Variants in PTPN9 observed in about 807,000 individuals in gnomAD.
The protein encoded by PTPN9 is tyrosine-protein phosphatase non-receptor type 9.
PTPN9 carries 26 observed loss-of-function variants against 69.8 expected under a neutral mutation model. That is an observed-to-expected ratio of 0.37 (90% CI 0.27 to 0.52). The LOEUF is 0.52. PTPN9 is among the 20% of genes least tolerant of loss of function. The pLI, the probability that PTPN9 is intolerant of heterozygous loss-of-function variation, is 0.91. For missense variants in PTPN9, 549 were observed against 740.3 expected, an observed-to-expected ratio of 0.74 and a Z score of 3.00; for synonymous variants, 274 against 272.5, an observed-to-expected ratio of 1.01 and a Z score of -0.05.
chr15:75,546,642 C>CA lies in PTPN9; in HGVS notation c.64-19382dup, dbSNP rs879283506. On this transcript the variant is annotated intron_variant, in intron 1 of 12. Transcript: ENST00000618819. ...TGGGCGACAGAGCAAGACTCTGTCT[C>CA]AAAAAAAAAAAAGAAATAGAGAACT... Among the ~76,000 whole-genome samples the CA allele has an allele frequency of 6.1e-3, 774 of 126,500 alleles. 2 individuals carry two copies. The highest frequency in any genetic ancestry group is 0.013 in the African/African-American group (452 of 34,314). 83.0% of individuals were successfully genotyped at this position (126,500 alleles called of 152,430 possible). A position where few individuals can be genotyped will look rare whatever the true frequency, so the allele number is the denominator to read the frequency against.
rs1475890453 is a variant in PTPN9 at position 75,530,683 on chromosome 15, T to A, written c.64-3422A>T. Among the ~76,000 whole-genome samples the A allele has an allele frequency of 3.2e-5, 2 of 61,606 alleles. 1 individual carries two copies. Among genetic ancestry groups the A allele is most frequent in the Non-Finnish European group, 5.2e-5 (2 of 38,174 alleles). The allele number at this position is 61,606 out of a possible 152,430, so 40.4% of individuals were successfully genotyped here. A position where few individuals can be genotyped will look rare whatever the true frequency, so the allele number is the denominator to read the frequency against. ...TATAATATACTATTATATATATTAT[T>A]ATATTATAATATATATAATATATAT... On this transcript the variant is annotated intron_variant, in intron 1 of 12. Transcript: ENST00000618819.
intron 9 of PTPN9, among the ~76,000 whole-genome samples, chr15:75,474,474 G>A (rs894231074): frequency 2.0e-5 from 3 of 151,278 alleles, no homozygotes; most frequent in African/African-American, 2.4e-5. Flanking sequence ...AGCCAAGAGC[G>A]CACCACTGCA....
At chr15:75,503,438 G>C (rs1191659224) in intron 7 of PTPN9, among the ~76,000 whole-genome samples, 1 of 142,924 alleles carries the variant, frequency 7.0e-6, no homozygotes, top group East Asian at 2.1e-4. Context: ...CCCTCCGCCC[G>C]GCAGCCGCCC....
chr15:75,530,966 GA>G (rs2074961814), intron 1 of PTPN9, among the ~76,000 whole-genome samples: 1 of 128,374 alleles, frequency 7.8e-6, no homozygotes, highest in Non-Finnish European at 1.6e-5. Context: ...ATATATATAA[GA>G]AAAATAAAGA....
Position 75,468,596 on chromosome 15 carries a change from A to C in PTPN9, c.*173T>G. The C allele has an allele frequency of 1.7e-6, 1 of 574,618 alleles. No individual in the cohort carries two copies. The highest frequency in any genetic ancestry group is 2.8e-5 in the East Asian group (1 of 36,138). 35.6% of individuals were successfully genotyped at this position (574,618 alleles called of 1,614,324 possible). ...ACTGGCCCTTTCTAGTGGCAATTTC[A>C]CCACATTTATCTAGCCAAAGGGAAA... On this transcript the variant is annotated 3_prime_UTR_variant, in exon 13 of 13. Coordinates refer to ENST00000618819, the MANE Select transcript of PTPN9 (RefSeq NM_002833.4).
At chr15:75,508,039 CAAAAAAAAAAAAAAAA>C (rs990909256) in intron 6 of PTPN9, among the ~76,000 whole-genome samples, 40 of 37,386 alleles carry the variant, frequency 1.1e-3, no homozygotes, top group African/African-American at 4.3e-3. Context: ...GAGACACTCT[CAAAAAAAAAAAAAAAA>C]AAAAAAAAAG....
In PTPN9 at chr15:75,489,650, T is replaced by C. The variant is rs187839283; in HGVS notation, c.1062+558A>G. 3.5e-4 allele frequency among the ~76,000 whole-genome samples: 54 copies of C among 152,290 alleles called. No homozygotes were observed. In the East Asian group the frequency reaches 8.7e-3, roughly 24 times the overall value. On this transcript the variant is annotated intron_variant, in intron 8 of 12. Transcript: ENST00000618819. ...AAAGTTAAAGGTGTATGTAAAGTGT[T>C]TGAATAAAATGTTCATTAAATATCT... is the stretch of plus-strand genomic sequence containing the variant.
chr15:75,523,382 C>T, intron 3 of PTPN9, 137 bp from the exon 4 acceptor site: 2 of 970,922 alleles, frequency 2.1e-6, no homozygotes, highest in Non-Finnish European at 3.0e-6. Flanking sequence ...TCACCAATTG[C>T]TGTCCAAAGG....
chr15:75,530,313 G>T (rs923829997), intron 1 of PTPN9, among the ~76,000 whole-genome samples: 1 of 139,524 alleles, frequency 7.2e-6, no homozygotes, highest in African/African-American at 2.7e-5. Flanking sequence ...AAGGCAGGAA[G>T]ATCACTTGAG....
intron 1 of PTPN9, among the ~76,000 whole-genome samples, chr15:75,533,000 T>G (rs80007709): frequency 0.01 from 1,576 of 152,268 alleles, 33 homozygotes; most frequent in African/African-American, 0.036. Context: ...ATTCTCAAAA[T>G]TAAAACTCAG....
intron 1 of PTPN9, among the ~76,000 whole-genome samples, chr15:75,559,768 CAAAAA>C (rs5813803): frequency 2.1e-5 from 2 of 95,076 alleles, no homozygotes; most frequent in African/African-American, 3.5e-5. Flanking sequence ...GAATGGTCAA[CAAAAA>C]AAAAAAAAAA....
intron 1 of PTPN9, among the ~76,000 whole-genome samples, chr15:75,565,714 C>T (rs562603903): frequency 3.1e-4 from 47 of 152,094 alleles, no homozygotes; most frequent in African/African-American, 1.0e-3. Context: ...CACTCATTTG[C>T]GAATCATTTT....
At chr15:75,571,784 C>G (rs1242750036) in intron 1 of PTPN9, among the ~76,000 whole-genome samples, 1 of 151,956 alleles carries the variant, frequency 6.6e-6, no homozygotes, top group African/African-American at 2.4e-5. Flanking sequence ...GTCCCAGCTG[C>G]TTGGGAGGCT....
At position 75,468,007 on chromosome 15, in the gene PTPN9, T is replaced by G. The variant is rs1201421246; in HGVS notation, c.*762A>C. 6.6e-6 allele frequency: 1 copy of G among 152,544 alleles called. No homozygotes were observed. Among genetic ancestry groups the G allele is most frequent in the Non-Finnish European group, 1.5e-5 (1 of 68,060 alleles). 9.4% of individuals were successfully genotyped at this position (152,544 alleles called of 1,614,324 possible). On this transcript the variant is annotated 3_prime_UTR_variant, in exon 13 of 13. Transcript: ENST00000618819. ...GTGGCAGGAACATGGAGGAGATGTG[T>G]GTGTGTCCTCTTCCACCACTCTGTA...
Position 75,514,470 on chromosome 15 carries a change from T to G in PTPN9, c.528+2789A>C, listed in dbSNP as rs528319123. On this transcript the variant is annotated intron_variant, in intron 5 of 12. Transcript: ENST00000618819. ...GGCACATGCCTGTAATTCTAGCTAC[T>G]TGGGAGGTTGAGGCATGAGAACTGC... 2.0e-5 allele frequency among the ~76,000 whole-genome samples: 3 copies of G among 152,226 alleles called. No homozygotes were observed. The East Asian group carries it at 5.8e-4, about 29-fold the overall frequency.
intron 11 of PTPN9, among the ~76,000 whole-genome samples, 190 bp from the exon 12 acceptor site, chr15:75,470,189 G>A (rs939292605): frequency 4.6e-5 from 7 of 152,184 alleles, no homozygotes; most frequent in Admixed American, 4.6e-4. Context: ...GGAAAAGGCA[G>A]AATTCCTATA....
chr15:75,571,872 G>A (rs553695192), intron 1 of PTPN9, among the ~76,000 whole-genome samples: 16 of 152,084 alleles, frequency 1.1e-4, no homozygotes, highest in Admixed American at 7.2e-4. Context: ...GCAAGACTCC[G>A]TCTCAAAAAA....
At chr15:75,540,912 TA>T (rs1373924659) in intron 1 of PTPN9, among the ~76,000 whole-genome samples, 7 of 147,722 alleles carry the variant, frequency 4.7e-5, no homozygotes, top group South Asian at 2.2e-4. Flanking sequence ...ACCTCGTCTC[TA>T]AAAAAAAAAT....
At chr15:75,524,162 A>T (rs747623543) in intron 3 of PTPN9, 47 bp downstream of exon 3, 1 of 1,127,258 alleles carries the variant, frequency 8.9e-7, no homozygotes, top group East Asian at 2.5e-5. Flanking sequence ...ACACCAGTTA[A>T]AAAAGGAAGT....
Sources: gnomAD v4.1 joint callset for allele counts (sites outside exome capture counted in the v4.1 genomes callset) on GRCh38, gnomAD v4.1.1 for gene constraint, MANE v1.5 for transcripts, NCBI Gene and HGNC (gene_info 2026-07-23, HGNC 2026-07-21) for gene names.